DPP6: variants seen among roughly 807,000 people sequenced by gnomAD.
DPP6 encodes the protein dipeptidyl peptidase like 6.
DPP6 carries 69 observed loss-of-function variants against 122.6 expected under a neutral mutation model. The ratio of observed to expected loss-of-function variants is 0.56; its 90% CI spans 0.46 to 0.69. The LOEUF is 0.69. Among genes scored for constraint, DPP6 ranks in the 30% least tolerant of loss-of-function variants. The pLI, the probability that DPP6 is intolerant of heterozygous loss-of-function variation, is 0.00. For missense variants in DPP6, 928 were observed against 1,116.9 expected (o/e 0.83, Z 2.41); for synonymous variants, 418 against 433.1 (o/e 0.97, Z 0.43).
At chr7:154,818,491 C>T (rs1799557510) in intron 16 of DPP6, among the ~76,000 whole-genome samples, 2 of 152,160 alleles carry the variant, frequency 1.3e-5, no homozygotes, top group African/African-American at 4.8e-5. Context: ...TCATGCCTAA[C>T]CGTAAATGAG....
intron 4 of DPP6, among the ~76,000 whole-genome samples, chr7:154,544,079 G>A (rs1224609491): frequency 6.8e-6 from 1 of 146,906 alleles, no homozygotes; most frequent in African/African-American, 2.5e-5. Flanking sequence ...AATTTGGGGG[G>A]CATTCTTTTG....
chr7:154,740,624 C>T (rs933484988), intron 8 of DPP6, among the ~76,000 whole-genome samples: 2 of 152,146 alleles, frequency 1.3e-5, no homozygotes, highest in Non-Finnish European at 2.9e-5. Context: ...AAGCACACAG[C>T]GTTGATGGTA....
the DPP6 span, among the ~76,000 whole-genome samples, chr7:153,880,653 C>T: frequency 1.8e-4 from 28 of 152,296 alleles, no homozygotes; most frequent in South Asian, 5.4e-3. Context: ...CTTGGAAATT[C>T]GGTCTGTAGC....
chr7:153,846,687 CTT>C, the DPP6 span, among the ~76,000 whole-genome samples: 706 of 78,196 alleles, frequency 9.0e-3, 5 homozygotes, highest in African/African-American at 0.031. Flanking sequence ...TGGCTTGGTT[CTT>C]TTTTTTTTTT....
chr7:154,742,462 A>G (rs1161584971), intron 8 of DPP6, among the ~76,000 whole-genome samples: 6 of 152,252 alleles, frequency 3.9e-5, no homozygotes, highest in African/African-American at 1.4e-4. Context: ...CCAAACAACC[A>G]TTAATGCATT....
chr7:154,678,462 C>T (rs1317515190), intron 7 of DPP6, among the ~76,000 whole-genome samples: 3 of 152,162 alleles, frequency 2.0e-5, no homozygotes, highest in African/African-American at 7.2e-5. Flanking sequence ...GTGACACTCA[C>T]TGCGAAGGTC....
At chr7:154,643,467 C>CCTT (rs1563052019) in intron 6 of DPP6, among the ~76,000 whole-genome samples, 4 of 117,544 alleles carry the variant, frequency 3.4e-5, no homozygotes. Context: ...TGAGTAATTT[C>CCTT]TTTTTTTTTT....
Position 153,897,631 on chromosome 7 carries a change from A to G in DPP6, c.51+9897A>G, listed in dbSNP as rs556211406. Reference sequence around the variant, plus strand: ...CCCCTTCATAGTCTCTTTTCTAGGGAAAATGTCTCTATTTCTTTCAACTTA... The same window carrying G: ...CCCCTTCATAGTCTCTTTTCTAGGGGAAATGTCTCTATTTCTTTCAACTTA... On this transcript the variant is annotated intron_variant, in intron 1 of 25. Coordinates refer to the DPP6 transcript ENST00000404039. Among the ~76,000 whole-genome samples the G allele has an allele frequency of 3.3e-5, 5 of 152,318 alleles. No individual in the cohort carries two copies. In the South Asian group the frequency reaches 1.0e-3, roughly 32 times the overall value.
chr7:154,752,864 G>A (rs1019811567), intron 8 of DPP6, among the ~76,000 whole-genome samples: 29 of 152,294 alleles, frequency 1.9e-4, no homozygotes, highest in African/African-American at 7.0e-4. Context: ...AAGACCAAGG[G>A]AAAGACATGG....
chr7:154,051,444 A>G (rs929143034), upstream of DPP6, among the ~76,000 whole-genome samples: 4 of 150,570 alleles, frequency 2.7e-5, no homozygotes, highest in African/African-American at 9.8e-5. Context: ...AGGACGCGGG[A>G]GGGCCGGGAG....
intron 16 of DPP6, among the ~76,000 whole-genome samples, 158 bp downstream of exon 16, chr7:154,807,270 G>A (rs1368501625): frequency 6.6e-6 from 1 of 152,130 alleles, no homozygotes; most frequent in Non-Finnish European, 1.5e-5. Flanking sequence ...ATTGCTTATG[G>A]TGCAAGATGA....
intron 1 of DPP6, among the ~76,000 whole-genome samples, chr7:153,979,909 T>G (rs949455759): frequency 6.6e-6 from 1 of 152,222 alleles, no homozygotes; most frequent in African/African-American, 2.4e-5. Flanking sequence ...TTGATCATGG[T>G]GGATAAGCTT....
intron 1 of DPP6, among the ~76,000 whole-genome samples, chr7:154,219,607 C>G (rs971892627): frequency 1.3e-5 from 2 of 151,498 alleles, no homozygotes; most frequent in Admixed American, 1.3e-4. Flanking sequence ...GAGACGGAGT[C>G]TCCCACTATC....
intron 5 of DPP6, among the ~76,000 whole-genome samples, chr7:154,599,659 A>T (rs1460108335): frequency 6.6e-6 from 1 of 151,754 alleles, no homozygotes; most frequent in Non-Finnish European, 1.5e-5. Context: ...TCCTAATGCT[A>T]TCCCTCCCCC....
the DPP6 span, among the ~76,000 whole-genome samples, chr7:153,876,430 T>A: frequency 1.3e-3 from 203 of 150,952 alleles, 1 homozygote; most frequent in East Asian, 0.035. Flanking sequence ...ACACACACAG[T>A]ATCACCAAGT....
At chr7:154,797,304 A>G (rs1798103760) in intron 12 of DPP6, among the ~76,000 whole-genome samples, 1 of 152,212 alleles carries the variant, frequency 6.6e-6, no homozygotes. Flanking sequence ...TTATGGCTGA[A>G]TAATATTCCA....
At chr7:154,181,340 A>G (rs1798070633) in intron 1 of DPP6, among the ~76,000 whole-genome samples, 1 of 152,162 alleles carries the variant, frequency 6.6e-6, no homozygotes, top group African/African-American at 2.4e-5. Flanking sequence ...GCATCATGGG[A>G]GAGGTGCTTA....
intron 1 of DPP6, among the ~76,000 whole-genome samples, chr7:154,230,360 A>G (rs1323345932): frequency 6.6e-6 from 1 of 152,256 alleles, no homozygotes; most frequent in Non-Finnish European, 1.5e-5. Flanking sequence ...CCTTGATTAG[A>G]TGCAGAGAAC....
chr7:153,989,300 TGTGA>T (rs1797022819), intron 1 of DPP6, among the ~76,000 whole-genome samples: 1 of 147,874 alleles, frequency 6.8e-6, no homozygotes, highest in Non-Finnish European at 1.5e-5. Flanking sequence ...TGTGCAAGTG[TGTGA>T]GTGTGGGGAG....
Sources: allele counts gnomAD v4.1 joint callset (sites outside exome capture counted in the v4.1 genomes callset), GRCh38; gene constraint gnomAD v4.1.1; transcripts MANE v1.5; gene names NCBI Gene and HGNC (gene_info 2026-07-23, HGNC 2026-07-21).